SEC14L1: variants seen among roughly 807,000 people sequenced by gnomAD.
SEC14L1 encodes SEC14-like protein 1.
SEC14L1 carries 48 observed loss-of-function variants against 85.3 expected under a neutral mutation model. The ratio of observed to expected loss-of-function variants is 0.56; its 90% confidence interval spans 0.45 to 0.72. The LOEUF (loss-of-function observed/expected upper bound fraction) is 0.72. Ranked by LOEUF, SEC14L1 falls within the 30% of genes least tolerant of loss-of-function variation. The probability of loss-of-function intolerance (pLI) is 0.00; values close to 1 mark genes in which losing one functional copy is unlikely to be tolerated. For synonymous variants in SEC14L1, 391 were observed against 355.5 expected (o/e 1.10, Z -1.12); for missense variants, 682 against 921.4 (o/e 0.74, Z 3.36).
In SEC14L1 at chr17:77,216,735, G is replaced by A; in HGVS notation, c.*2712G>A. ...CCCAAAGACTGTAGTGCATCTTGAA[G>A]AGCTCAAAGCACATGACCGCACAAA... On this transcript the variant is annotated 3_prime_UTR_variant, in exon 17 of 17. Transcript: ENST00000436233. The A allele has an allele frequency of 8.3e-7, 1 of 1,207,054 alleles. No individual in the cohort carries two copies. The highest frequency in any genetic ancestry group is 1.2e-6 in the Non-Finnish European group (1 of 848,536). The allele number at this position is 1,207,054 out of a possible 1,614,324, so 74.8% of individuals were successfully genotyped here. A position where few individuals can be genotyped will look rare whatever the true frequency, so the allele number is the denominator to read the frequency against.
chr17:77,197,893 A>C (rs1975898736), intron 8 of SEC14L1, among the ~76,000 whole-genome samples: 1 of 152,266 alleles, frequency 6.6e-6, no homozygotes. Flanking sequence ...GGCGTGAGCC[A>C]CTGGGCCCAA....
intron 3 of SEC14L1, among the ~76,000 whole-genome samples, chr17:77,169,546 A>G (rs1007702752): frequency 6.6e-6 from 1 of 152,212 alleles, no homozygotes; most frequent in Admixed American, 6.5e-5. Context: ...TATTTAATCC[A>G]TTCCAGCCAG....
At chr17:77,159,167 G>A (rs1354899394) in intron 3 of SEC14L1, among the ~76,000 whole-genome samples, 1 of 137,514 alleles carries the variant, frequency 7.3e-6, no homozygotes, top group South Asian at 2.4e-4. Context: ...CCTGGGTCAA[G>A]CAATTCTCCT....
intron 3 of SEC14L1, among the ~76,000 whole-genome samples, chr17:77,107,367 C>T (rs1195435746): frequency 1.3e-5 from 2 of 152,172 alleles, no homozygotes. Context: ...CAAGGTCACA[C>T]AGCTATTGAG....
At chr17:77,133,656 G>A (rs1457576190) in intron 3 of SEC14L1, among the ~76,000 whole-genome samples, 1 of 152,060 alleles carries the variant, frequency 6.6e-6, no homozygotes, top group Non-Finnish European at 1.5e-5. Context: ...AAGATGCTCT[G>A]TGCTGGGCAC....
intron 3 of SEC14L1, among the ~76,000 whole-genome samples, chr17:77,147,545 C>A (rs1200116836): frequency 6.6e-6 from 1 of 152,058 alleles, no homozygotes; most frequent in Non-Finnish European, 1.5e-5. Context: ...CTAGCTCAAC[C>A]CTCCCTTGGA....
chr17:77,126,488 C>T (rs1023658802), intron 3 of SEC14L1, among the ~76,000 whole-genome samples: 4 of 152,224 alleles, frequency 2.6e-5, no homozygotes, highest in African/African-American at 7.2e-5. Flanking sequence ...GGGTTAAACA[C>T]GCAGAACTCT....
At chr17:77,185,515 C>A in intron 3 of SEC14L1, 1 of 357,790 alleles carries the variant, frequency 2.8e-6, no homozygotes, top group Non-Finnish European at 3.9e-6. Flanking sequence ...ACTCTTGTTT[C>A]AGGAATTGGA....
rs1976482437 is a variant in SEC14L1, at chr17:77,206,731, A to G, written c.1345A>G (p.Ser449Gly). The change falls in exon 13 of 17, where the codon AGT becomes GGT. Residue 449 changes from serine (S) to glycine (G), a missense_variant. Ser to Gly is a moderately conservative substitution (Grantham distance 56, BLOSUM62 0). Transcript: ENST00000436233. This position sits in a 1 kb window ranked among gnomAD's most constrained non-coding sequence, Gnocchi z 4.3. ...RVFPVLWTLVSPFIDDNTRRK... is the reference protein window; with the variant it reads ...RVFPVLWTLVGPFIDDNTRRK... ...CATGGTCTTCTCCTCCTCACAGGTT[A>G]GTCCGTTCATTGATGACAACACCAG... 6.2e-7 allele frequency: 1 copy of G among 1,605,530 alleles called. No individual in the cohort carries two copies. The highest frequency in any genetic ancestry group is 1.3e-5 in the African/African-American group (1 of 74,508).
At chr17:77,100,322 C>T (rs1567868205) in intron 3 of SEC14L1, among the ~76,000 whole-genome samples, 2 of 151,932 alleles carry the variant, frequency 1.3e-5, no homozygotes, top group African/African-American at 2.4e-5. Flanking sequence ...AGGTGCCTAC[C>T]GCCCTGCGCT....
chr17:77,154,903 A>C (rs1973739557), intron 3 of SEC14L1, among the ~76,000 whole-genome samples: 1 of 151,818 alleles, frequency 6.6e-6, no homozygotes, highest in Non-Finnish European at 1.5e-5. Flanking sequence ...TCCCCTTCTG[A>C]TCTGGACTTT....
At chr17:77,194,538 C>CGA (rs1299549837) in intron 6 of SEC14L1, 139 bp from the exon 7 acceptor site, 1 of 656,490 alleles carries the variant, frequency 1.5e-6, no homozygotes, top group Non-Finnish European at 2.6e-6. Context: ...GGCCACAAAG[C>CGA]GAGACCCTGT....
intron 3 of SEC14L1, among the ~76,000 whole-genome samples, chr17:77,180,757 G>A (rs2143739353): frequency 6.6e-6 from 1 of 152,310 alleles, no homozygotes; most frequent in South Asian, 2.1e-4. Flanking sequence ...TTGGACAAGT[G>A]GACGGGTATG....
Position 77,213,625 on chromosome 17 carries a change from G to A in SEC14L1, c.2042+133G>A. 9.1e-7 allele frequency: 1 copy of A among 1,104,030 alleles called. No homozygotes were observed. The highest frequency in any genetic ancestry group is 1.3e-6 in the Non-Finnish European group (1 of 750,682). The allele number at this position is 1,104,030 out of a possible 1,614,324, so 68.4% of individuals were successfully genotyped here. On this transcript the variant is annotated intron_variant, in intron 16 of 16. Transcript: ENST00000436233. This position sits in a 1 kb window ranked among gnomAD's most constrained non-coding sequence, Gnocchi z 7.1. ...AATGCTTGGAGGGCCAGGAGGGAGT[G>A]GCTTTGGGGTCATTTGTTGGCACGG...
intron 3 of SEC14L1, among the ~76,000 whole-genome samples, chr17:77,155,926 C>G (rs1973794696): frequency 6.6e-6 from 1 of 152,100 alleles, no homozygotes; most frequent in Admixed American, 6.5e-5. Flanking sequence ...AGCTTGGCTC[C>G]CAGAATCCTT....
upstream of SEC14L1, among the ~76,000 whole-genome samples, chr17:77,136,352 TTTC>T (rs151139444): frequency 0.37 from 54,672 of 149,614 alleles, 10,199 homozygotes; most frequent in South Asian, 0.41. Context: ...TTCCTTTCTC[TTTC>T]TTTTTTCTTT....
At chr17:77,134,920 GT>G (rs1181804240) in intron 3 of SEC14L1, among the ~76,000 whole-genome samples, 2 of 152,056 alleles carry the variant, frequency 1.3e-5, no homozygotes, top group African/African-American at 4.8e-5. Context: ...TTCTGTTTTT[GT>G]TTTTTGTAAA....
Position 77,170,472 on chromosome 17 carries a change from G to A in SEC14L1, c.64-20331G>A, listed in dbSNP as rs542980886. Reference sequence around the variant, plus strand: ...TGATGATGGCCTGCAAATTCAAGGGGTGCAGTTTGTGCTAAAAGGCCTTGA... The same window carrying A: ...TGATGATGGCCTGCAAATTCAAGGGATGCAGTTTGTGCTAAAAGGCCTTGA... On this transcript the variant is annotated intron_variant, in intron 3 of 16. Coordinates refer to ENST00000436233, the MANE Select transcript of SEC14L1 (RefSeq NM_001143998.2). 4.6e-5 allele frequency among the ~76,000 whole-genome samples: 7 copies of A among 152,314 alleles called. 1 individual carries two copies. The highest frequency in any genetic ancestry group is 1.7e-4 in the African/African-American group (7 of 41,574).
At chr17:77,141,310 T>TCGCCCCTCGC (rs1192984216) in intron 1 of SEC14L1, 5 of 47,940 alleles carry the variant, frequency 1.0e-4, no homozygotes, top group Non-Finnish European at 2.1e-4. Flanking sequence ...GCCCCCCTGC[T>TCGCCCCTCGC]CGCCCCTCGC....
Sources: allele counts gnomAD v4.1 joint callset (sites outside exome capture counted in the v4.1 genomes callset), GRCh38; gene constraint gnomAD v4.1.1; non-coding constraint Gnocchi (gnomAD v3.1); transcripts MANE v1.5; gene names NCBI Gene and HGNC (gene_info 2026-07-23, HGNC 2026-07-21).